ETFA: variants seen among roughly 807,000 people sequenced by gnomAD.
The protein encoded by ETFA is electron transfer flavoprotein subunit alpha.
ETFA carries 22 observed loss-of-function variants against 46.2 expected under a neutral mutation model. That is an observed-to-expected ratio of 0.48 (90% CI 0.34 to 0.68). ETFA has a LOEUF of 0.68. Ranked by LOEUF, ETFA falls within the 30% of genes least tolerant of loss-of-function variation. The pLI is 0.01. For synonymous variants in ETFA, 131 were observed against 139.9 expected (o/e 0.94, Z 0.45); for missense variants, 345 against 401.1 (o/e 0.86, Z 1.19).
intron 1 of ETFA, among the ~76,000 whole-genome samples, chr15:76,300,966 T>G (rs1161986500): frequency 6.6e-6 from 1 of 152,154 alleles, no homozygotes; most frequent in Non-Finnish European, 1.5e-5. Context: ...GTTGCAGTGG[T>G]AGAGTACAGG....
intron 1 of ETFA, among the ~76,000 whole-genome samples, chr15:76,298,244 A>G (rs2039846347): frequency 6.6e-6 from 1 of 152,086 alleles, no homozygotes; most frequent in Non-Finnish European, 1.5e-5. Flanking sequence ...GGGTTTCACC[A>G]TGTTGGCCAG....
At chr15:76,246,117 G>A (rs573399315) in intron 9 of ETFA, among the ~76,000 whole-genome samples, 46 of 152,212 alleles carry the variant, frequency 3.0e-4, no homozygotes, top group African/African-American at 1.0e-3. Flanking sequence ...CTATATACCA[G>A]GCACAGTTTT....
intron 6 of ETFA, 49 bp from the exon 7 acceptor site, chr15:76,285,787 A>G: frequency 1.8e-6 from 2 of 1,116,236 alleles, no homozygotes; most frequent in Non-Finnish European, 2.8e-6. Context: ...TTCAAGTTCT[A>G]TAACAAGAAT....
At position 76,225,850 on chromosome 15, in the gene ETFA, TTAAA is replaced by T; in HGVS notation, c.958_961del (p.Phe320ArgfsTer2). On this transcript the variant is annotated frameshift_variant and splice_region_variant, in exon 11 of 12. Transcript: ENST00000557943. LOFTEE classifies it high-confidence loss of function. ...CAATTTCTCTCAAGGCCAGCTTACC[TTAAA>T]TAAATCTGCAACTATTCCATAATCT... The T allele has an allele frequency of 6.3e-7, 1 of 1,597,868 alleles. No individual in the cohort carries two copies.
At chr15:76,259,438 C>T (rs2141491808) in intron 9 of ETFA, 1 of 1,026,764 alleles carries the variant, frequency 9.7e-7, no homozygotes, top group East Asian at 2.4e-5. Context: ...GTAAGAACGT[C>T]CTCCATACAC....
chr15:76,266,709 C>T (rs1245324201), intron 9 of ETFA, among the ~76,000 whole-genome samples: 2 of 152,100 alleles, frequency 1.3e-5, no homozygotes, highest in African/African-American at 4.8e-5. Context: ...GGAGACCATC[C>T]TGGCTAACAC....
intron 11 of ETFA, among the ~76,000 whole-genome samples, chr15:76,222,203 AAT>A (rs1313039990): frequency 1.3e-5 from 2 of 149,158 alleles, no homozygotes; most frequent in Non-Finnish European, 3.0e-5. Flanking sequence ...ATGTTATATA[AAT>A]ATATTTTTTA....
At chr15:76,241,024 T>C (rs955189810) in intron 9 of ETFA, among the ~76,000 whole-genome samples, 2 of 151,996 alleles carry the variant, frequency 1.3e-5, no homozygotes, top group African/African-American at 4.8e-5. Context: ...AGATTTTCCA[T>C]TGTGGGAAAA....
Position 76,287,834 on chromosome 15 carries a change from T to G in ETFA, c.451+12A>C. ...TTAACATGTTGATTAATTATCTTCC[T>G]TGAGTACTCACCTGCATAAATAGTT... On this transcript the variant is annotated intron_variant, in intron 5 of 11. Coordinates refer to ENST00000557943, the MANE Select transcript of ETFA (RefSeq NM_000126.4). The G allele has an allele frequency of 6.6e-7, 1 of 1,525,412 alleles. No individual in the cohort carries two copies. Among genetic ancestry groups the G allele is most frequent in the Non-Finnish European group, 9.1e-7 (1 of 1,099,118 alleles). The allele number at this position is 1,525,412 out of a possible 1,614,324, so 94.5% of individuals were successfully genotyped here.
intron 8 of ETFA, among the ~76,000 whole-genome samples, chr15:76,280,917 C>CTTTTTTT (rs35907442): frequency 9.8e-6 from 1 of 102,054 alleles, no homozygotes; most frequent in African/African-American, 4.0e-5. Flanking sequence ...GTTCAGATGT[C>CTTTTTTT]TTTTTTTTTT....
chr15:76,298,781 A>T (rs1289360338), intron 1 of ETFA, among the ~76,000 whole-genome samples: 1 of 152,246 alleles, frequency 6.6e-6, no homozygotes, highest in Non-Finnish European at 1.5e-5. Flanking sequence ...TGTGCTTAAA[A>T]AAAAAAATAG....
At position 76,311,468 on chromosome 15, in the gene ETFA, A is replaced by C; in HGVS notation, c.-80T>G. The C allele has an allele frequency of 1.0e-5, 15 of 1,502,012 alleles. No homozygotes were observed. Among genetic ancestry groups the C allele is most frequent in the African/African-American group, 1.4e-5 (1 of 72,408 alleles). 93.0% of individuals were successfully genotyped at this position (1,502,012 alleles called of 1,614,324 possible). A position where few individuals can be genotyped will look rare whatever the true frequency, so the allele number is the denominator to read the frequency against. On this transcript the variant is annotated 5_prime_UTR_variant, in exon 1 of 12. Coordinates refer to ENST00000557943, the MANE Select transcript of ETFA (RefSeq NM_000126.4). ...TGGCGCCGCCTCAGCCAGTCACCTA[A>C]TGCTCGCGAGACGCGCGAACGAGAT...
chr15:76,253,436 A>G (rs144314556), intron 9 of ETFA, among the ~76,000 whole-genome samples: 64 of 152,304 alleles, frequency 4.2e-4, no homozygotes, highest in African/African-American at 1.5e-3. Flanking sequence ...GGAACTTATT[A>G]CTATTGATCA....
rs373286238 is a variant in ETFA at position 76,265,012 on chromosome 15, G to A, written c.816+9400C>T. Among the ~76,000 whole-genome samples, 29 of 152,274 alleles carry A rather than the reference G, an allele frequency of 1.9e-4. 1 individual carries two copies. The East Asian group carries it at 4.6e-3, about 24-fold the overall frequency. Reference sequence around the variant, plus strand: ...GAAATAGGAAGAGGGGCCTGCCTTCGGCCCCTCAACAAACTGAGGCATATC... The same window carrying A: ...GAAATAGGAAGAGGGGCCTGCCTTCAGCCCCTCAACAAACTGAGGCATATC... On this transcript the variant is annotated intron_variant, in intron 9 of 11. Coordinates refer to ENST00000557943, the MANE Select transcript of ETFA (RefSeq NM_000126.4).
chr15:76,222,836 GA>G (rs763878453), intron 11 of ETFA, among the ~76,000 whole-genome samples: 1 of 103,112 alleles, frequency 9.7e-6, no homozygotes, highest in Non-Finnish European at 2.4e-5. Flanking sequence ...CCCCCAAACT[GA>G]ATTTTTTTTT....
chr15:76,271,454 A>G (rs1445895235), intron 9 of ETFA, among the ~76,000 whole-genome samples: 1 of 152,222 alleles, frequency 6.6e-6, no homozygotes, highest in East Asian at 1.9e-4. Context: ...GACATTCTAT[A>G]AAACAGCTGT....
At chr15:76,259,124 A>C in intron 9 of ETFA, 1 of 1,512,262 alleles carries the variant, frequency 6.6e-7, no homozygotes, top group Non-Finnish European at 9.2e-7. Context: ...ATCAACATTC[A>C]CTGGGAGTGC....
At chr15:76,241,968 C>G (rs570226036) in intron 9 of ETFA, among the ~76,000 whole-genome samples, 3 of 151,604 alleles carry the variant, frequency 2.0e-5, no homozygotes, top group Admixed American at 6.6e-5. Context: ...TGCTGAGTAG[C>G]TGGGACTACA....
intron 9 of ETFA, among the ~76,000 whole-genome samples, chr15:76,257,699 C>T (rs2039358741): frequency 6.6e-6 from 1 of 151,874 alleles, no homozygotes; most frequent in South Asian, 2.1e-4. Context: ...AATCATGCTG[C>T]TATAAAGACA....
Sources: gnomAD v4.1 joint callset for allele counts (sites outside exome capture counted in the v4.1 genomes callset) on GRCh38, gnomAD v4.1.1 for gene constraint, MANE v1.5 for transcripts, NCBI Gene and HGNC (gene_info 2026-07-23, HGNC 2026-07-21) for gene names.